Variants in IFNL1 observed in about 807,000 individuals in gnomAD.
The protein encoded by IFNL1 is interferon lambda-1.
A neutral mutation model predicts 17.1 loss-of-function variants in IFNL1; 16 were observed. The ratio of observed to expected loss-of-function variants is 0.93; its 90% CI spans 0.63 to 1.42. IFNL1 has a LOEUF of 1.42. Ranked by LOEUF, IFNL1 falls within the 40% of genes most tolerant of loss-of-function variation. The pLI is 0.00. For synonymous variants in IFNL1, 104 were observed against 111.4 expected (o/e 0.93, Z 0.42); for missense variants, 262 against 249.4 (o/e 1.05, Z -0.34).
chr19:39,297,551 C>A (rs575389359), intron 2 of IFNL1, among the ~76,000 whole-genome samples: 3 of 151,994 alleles, frequency 2.0e-5, no homozygotes, highest in Non-Finnish European at 2.9e-5. Flanking sequence ...AAATCCTGAC[C>A]TCAGGTGATC....
Position 39,298,639 on chromosome 19 carries a change from T to C in IFNL1, c.*123T>C, listed in dbSNP as rs1334463473. 3 of 1,195,450 alleles carry C rather than the reference T, an allele frequency of 2.5e-6. No homozygotes were observed. The highest frequency in any genetic ancestry group is 3.6e-6 in the Non-Finnish European group (3 of 836,042). The allele number at this position is 1,195,450 out of a possible 1,614,324, so 74.1% of individuals were successfully genotyped here. A position where few individuals can be genotyped will look rare whatever the true frequency, so the allele number is the denominator to read the frequency against. On this transcript the variant is annotated 3_prime_UTR_variant, in exon 5 of 5. Transcript: ENST00000333625. ...GGCTGAGTTTATTGTTTTACTTTTA[T>C]ACATTATGCACAAATAAACAACAAG...
intron 2 of IFNL1, among the ~76,000 whole-genome samples, chr19:39,297,229 C>G (rs1165047370): frequency 6.6e-6 from 1 of 151,916 alleles, no homozygotes; most frequent in Non-Finnish European, 1.5e-5. Flanking sequence ...CCCTCTCCCT[C>G]TCACCTGCCT....
chr19:39,297,933 C>T (rs552956502), intron 2 of IFNL1, 31 bp from the exon 3 acceptor site: 1 of 1,613,562 alleles, frequency 6.2e-7, no homozygotes, highest in Non-Finnish European at 8.5e-7. Flanking sequence ...TGCCTGTTCT[C>T]CCTCACCTGC....
Position 39,297,906 on chromosome 19 carries a change from C to T in IFNL1, c.250-58C>T, listed in dbSNP as rs1462570025. On this transcript the variant is annotated intron_variant, in intron 2 of 4. Coordinates refer to ENST00000333625, the MANE Select transcript of IFNL1 (RefSeq NM_172140.2). ...TTCCCCAGGACTGCCTACCTGTCCC[C>T]ACTAACTGGGTCTTCTTGCCTGTTC... The T allele has an allele frequency of 3.1e-6, 5 of 1,606,676 alleles. No homozygotes were observed. In the Admixed American group the frequency reaches 5.0e-5, roughly 16 times the overall value.
intron 1 of IFNL1, 101 bp downstream of exon 1, chr19:39,296,693 T>G: frequency 2.0e-6 from 3 of 1,486,252 alleles, no homozygotes; most frequent in Non-Finnish European, 2.8e-6. Flanking sequence ...GGCAAACCTC[T>G]ATCCTTTCTG....
chr19:39,298,235 G>T lies in IFNL1; in HGVS notation c.416G>T (p.Gly139Val), dbSNP rs1270590766. The T allele has an allele frequency of 6.2e-7, 1 of 1,613,918 alleles. No homozygotes were observed. Among genetic ancestry groups the T allele is most frequent in the African/African-American group, 1.3e-5 (1 of 74,934 alleles). ...CAGATCCAGCCTCAGCCCACAGCAG[G>T]GCCCAGGCCCCGGGGCCGCCTCCAC... ...QACIQPQPTAGPRPRGRLHHW... is the reference protein window; with the variant it reads ...QACIQPQPTAVPRPRGRLHHW... The change falls in exon 4 of 5, where the codon GGG (glycine) becomes GTG (valine). Residue 139 changes from glycine to valine, a missense_variant. By Grantham distance (109) the Gly-to-Val change is moderately radical. Transcript: ENST00000333625.
At chr19:39,296,950 T>A in intron 2 of IFNL1, 68 bp downstream of exon 2, 1 of 1,172,546 alleles carries the variant, frequency 8.5e-7, no homozygotes, top group Non-Finnish European at 1.3e-6. Context: ...AAGTGGCCCC[T>A]TAGCCTTCTT....
rs147273102 is a variant in IFNL1, at chr19:39,296,436, G to C, written c.15G>C (p.Trp5Cys). Reference sequence around the variant, plus strand: ...GCGATTTAGCCATGGCTGCAGCTTGGACCGTGGTGCTGGTGACTTTGGTGC... The same window carrying C: ...GCGATTTAGCCATGGCTGCAGCTTGCACCGTGGTGCTGGTGACTTTGGTGC... Reference protein sequence around the residue: MAAAWTVVLVTLVLG... With the variant: MAAACTVVLVTLVLG... Residue 5 changes from tryptophan (W) to cysteine (C), a missense_variant, in exon 1 of 5, where the codon TGG (tryptophan) becomes TGC (cysteine). Physicochemically the swap from Trp to Cys is radical, Grantham distance 215. Transcript: ENST00000333625. The C allele has an allele frequency of 6.2e-7, 1 of 1,610,942 alleles. No individual in the cohort carries two copies. The highest frequency in any genetic ancestry group is 1.3e-5 in the African/African-American group (1 of 74,778).
rs746150882 is a variant in IFNL1, at chr19:39,296,453, C to T, written c.32C>T (p.Thr11Ile). The T allele has an allele frequency of 7.4e-6, 12 of 1,612,014 alleles. No individual in the cohort carries two copies. Among genetic ancestry groups the T allele is most frequent in the Admixed American group, 3.3e-5 (2 of 59,764 alleles). MAAAWTVVLV[T>I]LVLGLAVAGP... ...GCAGCTTGGACCGTGGTGCTGGTGA[C>T]TTTGGTGCTAGGCTTGGCCGTGGCA... Residue 11 changes from threonine (T) to isoleucine (I), a missense_variant, in exon 1 of 5, where the codon ACT (threonine) becomes ATT (isoleucine). Thr to Ile is a moderately conservative substitution (Grantham distance 89, BLOSUM62 -1). Coordinates refer to ENST00000333625, the MANE Select transcript of IFNL1 (RefSeq NM_172140.2).
chr19:39,297,818 C>T, intron 2 of IFNL1, 146 bp from the exon 3 acceptor site: 1 of 923,074 alleles, frequency 1.1e-6, no homozygotes, highest in Non-Finnish European at 1.6e-6. Context: ...ATGTCTTCCC[C>T]CTCCTGTCTC....
intron 4 of IFNL1, 34 bp from the exon 5 acceptor site, chr19:39,298,357 G>A (rs1233885318): frequency 6.2e-7 from 1 of 1,614,100 alleles, no homozygotes; most frequent in Non-Finnish European, 8.5e-7. Context: ...CCAGACCCTG[G>A]ACAGCCCCTG....
chr19:39,297,310 C>CTTTT (rs59725017), intron 2 of IFNL1, among the ~76,000 whole-genome samples: 5 of 93,014 alleles, frequency 5.4e-5, no homozygotes, highest in Non-Finnish European at 1.0e-4. Context: ...CCACCCTTCT[C>CTTTT]TTTTTTTTTT....
intron 2 of IFNL1, 76 bp downstream of exon 2, chr19:39,296,958 C>A: frequency 1.9e-6 from 2 of 1,069,318 alleles, no homozygotes; most frequent in Non-Finnish European, 2.9e-6. Context: ...CCTTAGCCTT[C>A]TTTGTTTCCC....
chr19:39,298,236 G>T lies in IFNL1; in HGVS notation c.417G>T (p.Gly139=), dbSNP rs138880255. The change falls in exon 4 of 5, where the codon GGG becomes GGT. Residue 139 remains glycine (G), a synonymous_variant. Coordinates refer to ENST00000333625, the MANE Select transcript of IFNL1 (RefSeq NM_172140.2). ...AGATCCAGCCTCAGCCCACAGCAGGGCCCAGGCCCCGGGGCCGCCTCCACC... is the reference window on the plus strand; with the variant it reads ...AGATCCAGCCTCAGCCCACAGCAGGTCCCAGGCCCCGGGGCCGCCTCCACC... ...QACIQPQPTA[G]PRPRGRLHHW... The T allele has an allele frequency of 3.4e-4, 553 of 1,614,020 alleles. 1 individual carries two copies. Among genetic ancestry groups the T allele is most frequent in the Non-Finnish European group, 4.3e-4 (504 of 1,179,994 alleles).
In IFNL1 at chr19:39,298,026, C is replaced by T. The variant is rs545963119; in HGVS notation, c.312C>T (p.Ala104=). The change falls in exon 3 of 5, where the codon GCC becomes GCT. Residue 104 remains alanine (A), a synonymous_variant. Coordinates refer to ENST00000333625, the MANE Select transcript of IFNL1 (RefSeq NM_172140.2). ...ELALTLKVLE[A]AAGPALEDVL... is the part of the protein sequence containing the mutation. ...CCCTGACGCTGAAGGTCCTGGAGGC[C>T]GCTGCTGGCCCAGCCCTGGAGGACG... 38 of 1,614,188 alleles carry T rather than the reference C, an allele frequency of 2.4e-5. No individual in the cohort carries two copies. Among genetic ancestry groups the T allele is most frequent in the East Asian group, 4.5e-5 (2 of 44,858 alleles).
At position 39,296,786 on chromosome 19, in the gene IFNL1, C is replaced by A. The variant is rs376573911; in HGVS notation, c.172-19C>A. The stretch of plus-strand genomic sequence containing the variant: ...TCCAGCCATCCTGCTGTGGGCTAAC[C>A]CCTGCCCTTGCTCTCTAGGAAGAGT... On this transcript the variant is annotated intron_variant, in intron 1 of 4. Transcript: ENST00000333625. 1.1e-5 allele frequency: 18 copies of A among 1,609,508 alleles called. No homozygotes were observed. The African/African-American group carries it at 2.1e-4, about 19-fold the overall frequency.
At chr19:39,297,165 C>T (rs2075101844) in intron 2 of IFNL1, among the ~76,000 whole-genome samples, 1 of 152,014 alleles carries the variant, frequency 6.6e-6, no homozygotes, top group Non-Finnish European at 1.5e-5. Context: ...GTCTGTCGCC[C>T]ACCTGTGCCT....
intron 2 of IFNL1, 136 bp downstream of exon 2, chr19:39,297,018 A>G: frequency 4.7e-6 from 3 of 637,592 alleles, no homozygotes; most frequent in Non-Finnish European, 8.3e-6. Flanking sequence ...TGCCCCTGCC[A>G]CTTCAAAACT....
Position 39,297,974 on chromosome 19 carries a change from G to A in IFNL1, c.260G>A (p.Arg87His), listed in dbSNP as rs145085203. Reference sequence around the variant, plus strand: ...CTCACCTCTCCTCAGGTGAGGGAGCGCCCTGTGGCCTTGGAGGCTGAGCTG... The same window carrying A: ...CTCACCTCTCCTCAGGTGAGGGAGCACCCTGTGGCCTTGGAGGCTGAGCTG... ...WDLRLLQVRERPVALEAELAL... is the reference protein window; with the variant it reads ...WDLRLLQVREHPVALEAELAL... The change falls in exon 3 of 5, where the codon CGC (arginine) becomes CAC (histidine). Residue 87 changes from arginine (R) to histidine (H), a missense_variant. Transcript: ENST00000333625. The A allele has an allele frequency of 9.5e-5, 153 of 1,613,972 alleles. 1 individual carries two copies. Among genetic ancestry groups the A allele is most frequent in the East Asian group, 8.9e-4 (40 of 44,866 alleles).
Sources: allele counts gnomAD v4.1 joint callset (sites outside exome capture counted in the v4.1 genomes callset), GRCh38; gene constraint gnomAD v4.1.1; transcripts MANE v1.5; gene names NCBI Gene and HGNC (gene_info 2026-07-23, HGNC 2026-07-21).